The following STK32C variants were observed in gnomAD, a reference collection of about 807,000 sequenced individuals.
The protein encoded by STK32C is serine/threonine-protein kinase 32C.
STK32C carries 31 observed loss-of-function variants against 56.5 expected under a neutral mutation model. The ratio of observed to expected loss-of-function variants is 0.55; its 90% CI spans 0.41 to 0.74. STK32C has a LOEUF of 0.74. STK32C is among the 30% of genes least tolerant of loss of function. STK32C has a pLI of 0.00. For missense variants in STK32C, 544 were observed against 676.9 expected, an observed-to-expected ratio of 0.80 and a Z score of 2.18; for synonymous variants, 309 against 289.4, an observed-to-expected ratio of 1.07 and a Z score of -0.69.
At chr10:132,244,676 A>G (rs2063623126) in intron 2 of STK32C, among the ~76,000 whole-genome samples, 1 of 151,910 alleles carries the variant, frequency 6.6e-6, no homozygotes, top group Non-Finnish European at 1.5e-5. Flanking sequence ...CCCCTAAGCC[A>G]CCTCTCCTGA....
intron 1 of STK32C, among the ~76,000 whole-genome samples, chr10:132,317,855 G>A (rs1268647066): frequency 1.3e-5 from 2 of 151,502 alleles, no homozygotes; most frequent in African/African-American, 2.4e-5. Context: ...GTGTGTGCCT[G>A]TAATCCCAGC....
At chr10:132,269,246 C>T (rs1203667027) in intron 1 of STK32C, among the ~76,000 whole-genome samples, 3 of 140,740 alleles carry the variant, frequency 2.1e-5, no homozygotes, top group African/African-American at 5.5e-5. Flanking sequence ...TCTGTGTCTC[C>T]GTGCATGTGT....
chr10:132,301,406 T>C (rs998098886), intron 1 of STK32C, among the ~76,000 whole-genome samples: 4 of 152,206 alleles, frequency 2.6e-5, no homozygotes, highest in African/African-American at 9.6e-5. Flanking sequence ...GGGAAGCTGC[T>C]CTGAGTGGTC....
chr10:132,260,294 G>A (rs2064259587), intron 1 of STK32C, among the ~76,000 whole-genome samples: 1 of 152,144 alleles, frequency 6.6e-6, no homozygotes. Flanking sequence ...CCAGAGTCCG[G>A]CCCGGGGTCC....
intron 2 of STK32C, among the ~76,000 whole-genome samples, chr10:132,237,191 ACTGT>A (rs2063325173): frequency 6.6e-6 from 1 of 151,678 alleles, no homozygotes; most frequent in Non-Finnish European, 1.5e-5. Context: ...TGCTCCCTGG[ACTGT>A]GCTCCCTGGA....
intron 2 of STK32C, among the ~76,000 whole-genome samples, chr10:132,234,158 T>A (rs1449438943): frequency 2.0e-5 from 3 of 152,176 alleles, no homozygotes; most frequent in African/African-American, 7.2e-5. Flanking sequence ...GCCTGGCTAC[T>A]CCCAGCTCTC....
At chr10:132,228,904 G>A (rs539774126) in intron 2 of STK32C, among the ~76,000 whole-genome samples, 2 of 152,336 alleles carry the variant, frequency 1.3e-5, no homozygotes, top group Admixed American at 6.5e-5. Flanking sequence ...CCACCACAGT[G>A]GGACCCCCTC....
At chr10:132,236,948 G>A (rs961848730) in intron 2 of STK32C, among the ~76,000 whole-genome samples, 2 of 152,184 alleles carry the variant, frequency 1.3e-5, no homozygotes, top group African/African-American at 4.8e-5. Context: ...GCCCGCCAAG[G>A]TCTGTAAGTA....
At chr10:132,208,396 C>T (rs1034416320) in intron 11 of STK32C, among the ~76,000 whole-genome samples, 1 of 152,236 alleles carries the variant, frequency 6.6e-6, no homozygotes, top group African/African-American at 2.4e-5. Context: ...AAAGGCCTGA[C>T]TGTGCAGGTG....
rs549096361 is a variant in STK32C, at chr10:132,242,222, C to G, written c.318+3678G>C. Among the ~76,000 whole-genome samples the G allele has an allele frequency of 2.0e-5, 3 of 152,148 alleles. No homozygotes were observed. In the East Asian group the frequency reaches 5.8e-4, roughly 29 times the overall value. On this transcript the variant is annotated intron_variant, in intron 2 of 11. Coordinates refer to ENST00000298630, the MANE Select transcript of STK32C (RefSeq NM_173575.4). Reference sequence around the variant, plus strand: ...GACGGCCTTCAAGCATGTATGGGGGCCAGGGGCTGGTGTCCTCTGAGAGGG... The same window carrying G: ...GACGGCCTTCAAGCATGTATGGGGGGCAGGGGCTGGTGTCCTCTGAGAGGG...
chr10:132,230,393 C>T (rs557812028), intron 2 of STK32C, among the ~76,000 whole-genome samples: 15 of 152,288 alleles, frequency 9.8e-5, no homozygotes, highest in African/African-American at 3.4e-4. Context: ...GTCCCGTGCC[C>T]GGGATGGAAG....
rs988565653 is a variant in STK32C, at chr10:132,255,171, A to G, written c.263-9216T>C. On this transcript the variant is annotated intron_variant, in intron 1 of 11. Coordinates refer to ENST00000298630, the MANE Select transcript of STK32C (RefSeq NM_173575.4). This position sits in a 1 kb window ranked among gnomAD's most constrained non-coding sequence, Gnocchi z 4.6. ...CCGTCTCGTCTCCTATGACCTGGGA[A>G]GTGCTTATGATGAGGAAAATCATCC... 4.6e-5 allele frequency among the ~76,000 whole-genome samples: 7 copies of G among 152,214 alleles called. No homozygotes were observed. Among genetic ancestry groups the G allele is most frequent in the African/African-American group, 1.7e-4 (7 of 41,464 alleles).
At chr10:132,218,933 A>C (rs1165923527) in intron 10 of STK32C, among the ~76,000 whole-genome samples, 2 of 152,236 alleles carry the variant, frequency 1.3e-5, no homozygotes, top group Non-Finnish European at 2.9e-5. Flanking sequence ...CTGCGAAGTG[A>C]AAGAAGCCAG....
chr10:132,272,297 A>C (rs1432935057), intron 1 of STK32C, among the ~76,000 whole-genome samples: 1 of 152,250 alleles, frequency 6.6e-6, no homozygotes, highest in Non-Finnish European at 1.5e-5. Flanking sequence ...CCAAGGAGCC[A>C]GGCCTCAGAG....
chr10:132,264,363 G>A (rs1043642866), intron 1 of STK32C, among the ~76,000 whole-genome samples: 1 of 152,232 alleles, frequency 6.6e-6, no homozygotes, highest in Non-Finnish European at 1.5e-5. Context: ...GCCATCACAT[G>A]GTGGGGAAGG....
chr10:132,225,981 C>T (rs1399671897), intron 4 of STK32C, among the ~76,000 whole-genome samples, 197 bp from the exon 5 acceptor site: 2 of 152,248 alleles, frequency 1.3e-5, no homozygotes, highest in African/African-American at 4.8e-5. Flanking sequence ...AAGTCAGCCA[C>T]TTCGTTCCCT....
intron 1 of STK32C, among the ~76,000 whole-genome samples, chr10:132,297,455 G>A (rs1022185006): frequency 6.6e-6 from 1 of 152,170 alleles, no homozygotes; most frequent in Non-Finnish European, 1.5e-5. Context: ...GTACTAGCTG[G>A]GCCACGCACT....
chr10:132,329,152 C>G (rs1032238653), intron 1 of STK32C, among the ~76,000 whole-genome samples: 1 of 152,246 alleles, frequency 6.6e-6, no homozygotes, highest in Non-Finnish European at 1.5e-5. Context: ...CAGTGGCTCA[C>G]GCCTATAATC....
intron 1 of STK32C, among the ~76,000 whole-genome samples, chr10:132,285,022 ACGTCTGTC>A (rs1347874257): frequency 3.1e-5 from 4 of 130,822 alleles, no homozygotes; most frequent in East Asian, 2.4e-4. Context: ...ACACATTCCC[ACGTCTGTC>A]CAAAGACCAG....
Sources: gnomAD v4.1 joint callset for allele counts (sites outside exome capture counted in the v4.1 genomes callset) on GRCh38, gnomAD v4.1.1 for gene constraint, Gnocchi (gnomAD v3.1) non-coding constraint, MANE v1.5 for transcripts, NCBI Gene and HGNC (gene_info 2026-07-23, HGNC 2026-07-21) for gene names.